The following TPM3 variants were observed in gnomAD, a reference collection of about 807,000 sequenced individuals.
The protein encoded by TPM3 is tropomyosin 3, also known as tropomyosin alpha-3 chain.
A neutral mutation model predicts 43.1 loss-of-function variants in TPM3; 16 were observed. The observed-to-expected ratio is 0.37, with a 90% CI of 0.25 to 0.56. The LOEUF (loss-of-function observed/expected upper bound fraction) is 0.56. Among genes scored for constraint, TPM3 ranks in the 20% least tolerant of loss-of-function variants. TPM3 has a pLI of 0.77. For missense variants in TPM3, 176 were observed against 337.2 expected, an observed-to-expected ratio of 0.52 and a Z score of 3.74; for synonymous variants, 101 against 116.9, an observed-to-expected ratio of 0.86 and a Z score of 0.88.
intron 8 of TPM3, chr1:154,169,613 A>T: frequency 3.3e-6 from 2 of 597,274 alleles, no homozygotes. Context: ...AAGGGCTGAG[A>T]ACCTGGGCAC....
chr1:154,161,131 TAAAAAAAA>T (rs953940037), downstream of TPM3, among the ~76,000 whole-genome samples: 2 of 85,090 alleles, frequency 2.4e-5, no homozygotes, highest in East Asian at 3.2e-4. Flanking sequence ...ATGCAAATAT[TAAAAAAAA>T]AAAAAAAAAA....
At chr1:154,170,588 A>G (rs1011649280) in intron 7 of TPM3, 61 bp downstream of exon 7, 1 of 1,594,044 alleles carries the variant, frequency 6.3e-7, no homozygotes, top group Admixed American at 1.7e-5. Context: ...TTAAATCCAT[A>G]TTAATGCCTT....
At chr1:154,189,096 C>G (rs1663550386) in intron 2 of TPM3, among the ~76,000 whole-genome samples, 1 of 119,314 alleles carries the variant, frequency 8.4e-6, no homozygotes, top group East Asian at 2.9e-4. Context: ...CTTGCCACTG[C>G]ATTCCAGCCT....
At chr1:154,168,846 T>A (rs1258485089) in intron 9 of TPM3, among the ~76,000 whole-genome samples, 1 of 150,386 alleles carries the variant, frequency 6.6e-6, no homozygotes, top group Non-Finnish European at 1.5e-5. Context: ...TTCTTTTTTT[T>A]TTTTTTTGAG....
At chr1:154,167,962 C>T (rs1463647190) in intron 9 of TPM3, 22 bp from the exon 10 acceptor site, 1 of 1,613,730 alleles carries the variant, frequency 6.2e-7, no homozygotes, top group East Asian at 2.2e-5. Flanking sequence ...AGTAAGGATA[C>T]TCTAGGTGAG....
downstream of TPM3, chr1:154,157,779 C>A (rs1006887126): frequency 3.8e-6 from 3 of 779,646 alleles, no homozygotes; most frequent in Admixed American, 3.4e-5. Context: ...AAGGTCTACC[C>A]GCTCTTTGAG....
At chr1:154,176,333 T>C in intron 2 of TPM3, 85 bp from the exon 3 acceptor site, 1 of 1,600,228 alleles carries the variant, frequency 6.2e-7, no homozygotes. Flanking sequence ...CAGGGTTGAC[T>C]ACCATGAAAA....
intron 9 of TPM3, among the ~76,000 whole-genome samples, chr1:154,168,168 CCAA>C (rs1055364899): frequency 2.6e-5 from 4 of 152,162 alleles, no homozygotes; most frequent in Admixed American, 2.6e-4. Flanking sequence ...AGATGAAGCC[CCAA>C]CAACTCTTTT....
chr1:154,176,117 C>G lies in TPM3; in HGVS notation c.375G>C (p.Glu125Asp). 3 of 1,613,620 alleles carry G rather than the reference C, an allele frequency of 1.9e-6. No homozygotes were observed. The highest frequency in any genetic ancestry group is 2.5e-6 in the Non-Finnish European group (3 of 1,180,034). ...CTCCATCAGGCTTCCCTACACACCT[C>G]TCACTCTCATCAGCAGCTTTTTCAG... ...EEAEKAADES[E>D]RGMKVIENRA... The change falls in exon 3 of 10, where the codon GAG (glutamate) becomes GAC (aspartate). Residue 125 changes from glutamate (E) to aspartate (D), a missense_variant and splice_region_variant. Coordinates refer to ENST00000651641, the MANE Select transcript of TPM3 (RefSeq NM_152263.4).
chr1:154,171,409 C>A lies in TPM3; in HGVS notation c.642+4G>T, dbSNP rs1462764945. 3 of 1,614,042 alleles carry A rather than the reference C, an allele frequency of 1.9e-6. No homozygotes were observed. The Admixed American group carries it at 5.0e-5, about 27-fold the overall frequency. Reference sequence around the variant, plus strand: ...GCCTGTCACTTTCACAAACCAGCCCCTACCTTCTCCGCCTGAGCCTCAAGA... The same window carrying A: ...GCCTGTCACTTTCACAAACCAGCCCATACCTTCTCCGCCTGAGCCTCAAGA... On this transcript the variant is annotated splice_donor_region_variant and intron_variant, in intron 6 of 9. Transcript: ENST00000651641.
At chr1:154,169,115 C>T (rs996332883) in intron 9 of TPM3, among the ~76,000 whole-genome samples, 190 bp downstream of exon 9, 3 of 152,178 alleles carry the variant, frequency 2.0e-5, no homozygotes, top group East Asian at 1.9e-4. Flanking sequence ...GGATTACAGG[C>T]GTGAGCCACC....
chr1:154,158,588 C>T (rs1363131382), downstream of TPM3: 3 of 359,592 alleles, frequency 8.3e-6, no homozygotes, highest in East Asian at 4.7e-5. Flanking sequence ...CTGGGCCTGC[C>T]GATGAAGCAG....
Position 154,163,248 on chromosome 1 carries a change from A to G in TPM3, c.*4689T>C, listed in dbSNP as rs1660569036. ...ATTTAAATGAACTACAATGAAATAC[A>G]ATTAAATTTTAGCCCCTCAGCCACA... On this transcript the variant is annotated 3_prime_UTR_variant, in exon 10 of 10. Coordinates refer to ENST00000651641, the MANE Select transcript of TPM3 (RefSeq NM_152263.4). Among the ~76,000 whole-genome samples the G allele has an allele frequency of 1.3e-5, 2 of 152,198 alleles. No individual in the cohort carries two copies. Among genetic ancestry groups the G allele is most frequent in the Non-Finnish European group, 2.9e-5 (2 of 68,038 alleles).
Position 154,192,072 on chromosome 1 carries a change from G to A in TPM3, c.-54C>T. ...TGAACACTGGAGAACTGGAGACTGG[G>A]GCAAGAAAGAAGGGGCTGCTGCCTG... On this transcript the variant is annotated 5_prime_UTR_variant, in exon 1 of 10. Coordinates refer to ENST00000651641, the MANE Select transcript of TPM3 (RefSeq NM_152263.4). 6.6e-7 allele frequency: 1 copy of A among 1,513,576 alleles called. No homozygotes were observed. 93.8% of individuals were successfully genotyped at this position (1,513,576 alleles called of 1,614,324 possible).
At position 154,191,056 on chromosome 1, in the gene TPM3, T is replaced by C. The variant is rs189688497; in HGVS notation, c.243+130A>G. 221 of 1,430,930 alleles carry C rather than the reference T, an allele frequency of 1.5e-4. 1 individual carries two copies. The African/African-American group carries it at 2.8e-3, about 18-fold the overall frequency. 88.6% of individuals were successfully genotyped at this position (1,430,930 alleles called of 1,614,324 possible). On this transcript the variant is annotated intron_variant, in intron 2 of 9. Transcript: ENST00000651641. ...GAGAATATACCAGCATGTGGTTATA[T>C]GCAAAAATGTATGTGAGTATATATG...
chr1:154,166,579 C>T lies in TPM3; in HGVS notation c.*1358G>A. On this transcript the variant is annotated 3_prime_UTR_variant, in exon 10 of 10. Transcript: ENST00000651641. Reference sequence around the variant, plus strand: ...AGAAAAGCAAATTTTAAATACATACCCTGCTGGGAAACTAAAGTACTAAGT... The same window carrying T: ...AGAAAAGCAAATTTTAAATACATACTCTGCTGGGAAACTAAAGTACTAAGT... 1 of 1,052,542 alleles carries T rather than the reference C, an allele frequency of 9.5e-7. No homozygotes were observed. Among genetic ancestry groups the T allele is most frequent in the Non-Finnish European group, 1.1e-6 (1 of 871,298 alleles). 65.2% of individuals were successfully genotyped at this position (1,052,542 alleles called of 1,614,324 possible).
At chr1:154,170,762 C>A (rs748470771) in intron 6 of TPM3, 51 bp from the exon 7 acceptor site, 5 of 1,163,978 alleles carry the variant, frequency 4.3e-6, no homozygotes, top group Non-Finnish European at 6.4e-6. Context: ...GTCACACAGG[C>A]AATACCCCCC....
In TPM3 at chr1:154,169,303, A is replaced by G; in HGVS notation, c.854+2T>C. On this transcript the variant is annotated splice_donor_variant, in intron 9 of 9. Coordinates refer to ENST00000651641, the MANE Select transcript of TPM3 (RefSeq NM_152263.4). LOFTEE classifies it high-confidence loss of function. ...AGCCCCACTCTACTGTCAGATAGTT[A>G]CATAGAGGTCATGTCATTGAGGGCG... is the stretch of plus-strand genomic sequence containing the variant. 1 of 1,614,176 alleles carries G rather than the reference A, an allele frequency of 6.2e-7. No homozygotes were observed. The highest frequency in any genetic ancestry group is 8.5e-7 in the Non-Finnish European group (1 of 1,180,010).
chr1:154,172,392 A>T, intron 5 of TPM3: 1 of 622,002 alleles, frequency 1.6e-6, no homozygotes, highest in African/African-American at 1.8e-5. Context: ...GCAGATTGGC[A>T]AAGTGGCCAA....
Sources: allele counts gnomAD v4.1 joint callset (sites outside exome capture counted in the v4.1 genomes callset), GRCh38; gene constraint gnomAD v4.1.1; transcripts MANE v1.5; gene names NCBI Gene and HGNC (gene_info 2026-07-23, HGNC 2026-07-21).